TMEFF2: variants seen among roughly 807,000 people sequenced by gnomAD.
TMEFF2 encodes the protein transmembrane protein with EGF like and two follistatin like domains 2.
A neutral mutation model predicts 53.8 loss-of-function variants in TMEFF2; 28 were observed. That is an observed-to-expected ratio of 0.52 (90% CI 0.39 to 0.71). The LOEUF (loss-of-function observed/expected upper bound fraction) is 0.71. Among genes scored for constraint, TMEFF2 ranks in the 30% least tolerant of loss-of-function variants. TMEFF2 has a pLI of 0.00. For synonymous variants in TMEFF2, 162 were observed against 166.3 expected (o/e 0.97, Z 0.20); for missense variants, 353 against 455.2 (o/e 0.78, Z 2.04).
At chr2:192,164,992 G>GTA (rs1690725712) in intron 4 of TMEFF2, among the ~76,000 whole-genome samples, 1 of 151,894 alleles carries the variant, frequency 6.6e-6, no homozygotes, top group African/African-American at 2.4e-5. Flanking sequence ...GTGTGTGTGT[G>GTA]TGTGTGTGTG....
chr2:192,102,626 CT>C (rs10635775), intron 4 of TMEFF2, among the ~76,000 whole-genome samples: 65 of 109,836 alleles, frequency 5.9e-4, no homozygotes, highest in South Asian at 1.5e-3. Context: ...TTTTCTTGTT[CT>C]TTTTTTTTTT....
In TMEFF2 at chr2:192,075,324, T is replaced by C. The variant is rs986643188; in HGVS notation, c.440-17549A>G. ...ATATATATATATATATATATATATA[T>C]ATATATATACATACATACTATGTAT... On this transcript the variant is annotated intron_variant, in intron 4 of 9. Transcript: ENST00000272771. 1.8e-4 allele frequency among the ~76,000 whole-genome samples: 14 copies of C among 77,278 alleles called. No homozygotes were observed. The East Asian group carries it at 2.5e-3, about 14-fold the overall frequency. The allele number at this position is 77,278 out of a possible 152,430, so 50.7% of individuals were successfully genotyped here.
chr2:191,955,182 A>AGG (rs1692035606), intron 8 of TMEFF2, among the ~76,000 whole-genome samples: 2 of 149,326 alleles, frequency 1.3e-5, no homozygotes, highest in Non-Finnish European at 3.0e-5. Flanking sequence ...AGGGAGAGAG[A>AGG]GAGAGAGAGA....
chr2:192,126,179 T>C (rs941617341), intron 4 of TMEFF2, among the ~76,000 whole-genome samples: 1 of 152,184 alleles, frequency 6.6e-6, no homozygotes, highest in African/African-American at 2.4e-5. Flanking sequence ...ATACGCACCA[T>C]GAATTACCGT....
chr2:192,036,126 A>T (rs1408350957), intron 5 of TMEFF2: 1 of 152,192 alleles, frequency 6.6e-6, no homozygotes, highest in East Asian at 1.9e-4. Flanking sequence ...TCATTTATTC[A>T]TGTAGTTACT....
At chr2:192,104,165 T>C (rs991976556) in intron 4 of TMEFF2, among the ~76,000 whole-genome samples, 1 of 152,150 alleles carries the variant, frequency 6.6e-6, no homozygotes, top group Non-Finnish European at 1.5e-5. Flanking sequence ...GGGGTAGCAG[T>C]AGGCATTTCT....
intron 4 of TMEFF2, among the ~76,000 whole-genome samples, chr2:192,165,554 C>T (rs1182776411): frequency 3.9e-5 from 6 of 152,076 alleles, no homozygotes; most frequent in Non-Finnish European, 8.8e-5. Flanking sequence ...TACACACACA[C>T]ATAAAATTTG....
At chr2:191,984,792 G>A (rs1393435604) in intron 7 of TMEFF2, among the ~76,000 whole-genome samples, 2 of 151,998 alleles carry the variant, frequency 1.3e-5, no homozygotes, top group African/African-American at 2.4e-5. Flanking sequence ...TTATCCTTTT[G>A]GGAAATGGAG....
chr2:192,121,378 A>C (rs73045760), intron 4 of TMEFF2, among the ~76,000 whole-genome samples: 1 of 151,970 alleles, frequency 6.6e-6, no homozygotes, highest in African/African-American at 2.4e-5. Flanking sequence ...TTTGTACATA[A>C]AGAGCTAGAG....
At chr2:192,070,051 C>T (rs1209989835) in intron 4 of TMEFF2, among the ~76,000 whole-genome samples, 8 of 91,638 alleles carry the variant, frequency 8.7e-5, no homozygotes, top group Non-Finnish European at 1.4e-4. Context: ...TATGTCTTCA[C>T]GTTTGGGGGG....
intron 4 of TMEFF2, among the ~76,000 whole-genome samples, chr2:192,173,836 C>T (rs1263237953): frequency 1.3e-5 from 2 of 151,724 alleles, no homozygotes; most frequent in East Asian, 3.9e-4. Context: ...AAGCCATGGA[C>T]TTAAAATCAC....
chr2:192,152,618 G>A (rs553473549), intron 4 of TMEFF2, among the ~76,000 whole-genome samples: 2 of 151,808 alleles, frequency 1.3e-5, no homozygotes, highest in Non-Finnish European at 2.9e-5. Flanking sequence ...CCCGCACACA[G>A]CAGATAGTTG....
chr2:192,126,779 T>A (rs1463738007), intron 4 of TMEFF2, among the ~76,000 whole-genome samples: 1 of 152,188 alleles, frequency 6.6e-6, no homozygotes, highest in Non-Finnish European at 1.5e-5. Flanking sequence ...CTAGGTTGGT[T>A]AAACTCCAAA....
At chr2:191,979,919 A>C (rs899729114) in intron 7 of TMEFF2, among the ~76,000 whole-genome samples, 8 of 151,454 alleles carry the variant, frequency 5.3e-5, no homozygotes, top group African/African-American at 2.0e-4. Context: ...AAGTTGGTTA[A>C]ATAATATTAG....
intron 2 of TMEFF2, among the ~76,000 whole-genome samples, chr2:192,186,593 C>T (rs1232611373): frequency 6.6e-6 from 1 of 152,078 alleles, no homozygotes; most frequent in African/African-American, 2.4e-5. Flanking sequence ...GATAGACTTG[C>T]CGATCCTTTC....
At chr2:192,158,090 T>C (rs1690548253) in intron 4 of TMEFF2, among the ~76,000 whole-genome samples, 1 of 152,072 alleles carries the variant, frequency 6.6e-6, no homozygotes, top group Admixed American at 6.6e-5. Flanking sequence ...GTTATGTGAA[T>C]TTATGAAGCA....
At chr2:191,951,341 C>T (rs1442166675) in intron 9 of TMEFF2, among the ~76,000 whole-genome samples, 1 of 136,872 alleles carries the variant, frequency 7.3e-6, no homozygotes, top group Admixed American at 7.0e-5. Context: ...TGAAACATGT[C>T]TCCAAATGTC....
intron 4 of TMEFF2, among the ~76,000 whole-genome samples, chr2:192,083,230 C>A (rs557601289): frequency 5.6e-4 from 85 of 152,172 alleles, no homozygotes; most frequent in South Asian, 1.9e-3. Context: ...GTGGCTCTGC[C>A]TGTGTTCTTT....
At chr2:192,060,753 A>T (rs970069325) in intron 4 of TMEFF2, among the ~76,000 whole-genome samples, 11 of 152,144 alleles carry the variant, frequency 7.2e-5, no homozygotes, top group African/African-American at 2.2e-4. Context: ...GCATTCATAC[A>T]CTGATTAGGA....
Sources: gnomAD v4.1 joint callset for allele counts (sites outside exome capture counted in the v4.1 genomes callset) on GRCh38, gnomAD v4.1.1 for gene constraint, MANE v1.5 for transcripts, NCBI Gene and HGNC (gene_info 2026-07-23, HGNC 2026-07-21) for gene names.